The following NPAS2 variants were observed in gnomAD, a reference collection of about 807,000 sequenced individuals.
The protein encoded by NPAS2 is neuronal PAS domain-containing protein 2.
In NPAS2, 23 loss-of-function variants were observed where a neutral mutation model predicts 107.5. That is an observed-to-expected ratio of 0.21 (90% CI 0.15 to 0.30). NPAS2 has a LOEUF of 0.30. Ranked by LOEUF, NPAS2 falls within the 10% of genes least tolerant of loss-of-function variation. NPAS2 has a pLI of 1.00. For missense variants in NPAS2, 756 were observed against 1,043.3 expected (o/e 0.72, Z 3.79); for synonymous variants, 403 against 417.5 (o/e 0.97, Z 0.42).
intron 1 of NPAS2, among the ~76,000 whole-genome samples, chr2:100,840,241 C>T (rs956771323): frequency 1.3e-5 from 2 of 152,168 alleles, no homozygotes; most frequent in Non-Finnish European, 2.9e-5. Flanking sequence ...TCCTGCATGT[C>T]TGTTACATGG....
At chr2:100,857,844 T>C (rs1428422734) in intron 1 of NPAS2, among the ~76,000 whole-genome samples, 1 of 152,258 alleles carries the variant, frequency 6.6e-6, no homozygotes, top group East Asian at 1.9e-4. Flanking sequence ...TTTTGTGATC[T>C]GTAACACTTG....
At chr2:100,927,753 A>T (rs1322440652) in intron 3 of NPAS2, among the ~76,000 whole-genome samples, 1 of 152,138 alleles carries the variant, frequency 6.6e-6, no homozygotes, top group Non-Finnish European at 1.5e-5. Context: ...TCTTTCTCAA[A>T]TCATTCTCTC....
chr2:100,908,755 G>C (rs1313254506), intron 2 of NPAS2, among the ~76,000 whole-genome samples: 1 of 152,140 alleles, frequency 6.6e-6, no homozygotes, highest in Non-Finnish European at 1.5e-5. Flanking sequence ...TCTCCAGTCA[G>C]CTGTGAGGTT....
intron 2 of NPAS2, among the ~76,000 whole-genome samples, chr2:100,922,854 G>C (rs372476693): frequency 6.6e-6 from 1 of 152,084 alleles, no homozygotes; most frequent in Non-Finnish European, 1.5e-5. Flanking sequence ...AGCCTTCGTC[G>C]GAGTTGCTAC....
chr2:100,938,887 C>T (rs1055195615), intron 5 of NPAS2, among the ~76,000 whole-genome samples: 5 of 152,146 alleles, frequency 3.3e-5, no homozygotes, highest in Non-Finnish European at 2.9e-5. Flanking sequence ...CAAAACCTTC[C>T]CCACCACCCC....
chr2:100,904,657 T>C (rs1682017686), intron 1 of NPAS2, 76 bp from the exon 2 acceptor site: 1 of 1,128,076 alleles, frequency 8.9e-7, no homozygotes, highest in Non-Finnish European at 1.3e-6. Flanking sequence ...GACAACAACC[T>C]GAAAGACTTT....
chr2:100,894,078 A>G, intron 1 of NPAS2, among the ~76,000 whole-genome samples: 1 of 152,202 alleles, frequency 6.6e-6, no homozygotes, highest in East Asian at 1.9e-4. Flanking sequence ...TGACAAAATA[A>G]TCCTGCTGCC....
chr2:100,894,009 T>G (rs1452458038), intron 1 of NPAS2, among the ~76,000 whole-genome samples: 1 of 152,236 alleles, frequency 6.6e-6, no homozygotes, highest in Non-Finnish European at 1.5e-5. Context: ...GTCACTTGTA[T>G]GACTCATTAG....
At position 100,965,272 on chromosome 2, in the gene NPAS2, T is replaced by C. The variant is rs3768985; in HGVS notation, c.800+329T>C. The stretch of plus-strand genomic sequence containing the variant: ...TCATTTTTTTCAACATCCTTTGATC[T>C]TTTAGCCCAATCTTTACTGTTTCTT... On this transcript the variant is annotated intron_variant, in intron 9 of 20. Transcript: ENST00000335681. This position sits in a 1 kb window ranked among gnomAD's most constrained non-coding sequence, Gnocchi z 4.3. Among the ~76,000 whole-genome samples, 28,621 of 152,154 alleles carry C rather than the reference T, an allele frequency of 0.19. 3,574 individuals carry two copies. The highest frequency in any genetic ancestry group is 0.47 in the East Asian group (2,441 of 5,168).
At chr2:100,831,901 C>G (rs1172106144) in intron 1 of NPAS2, among the ~76,000 whole-genome samples, 1 of 152,148 alleles carries the variant, frequency 6.6e-6, no homozygotes, top group East Asian at 1.9e-4. Flanking sequence ...TTTCTATTCT[C>G]TCAAACCTGC....
chr2:100,867,111 G>A (rs1158108902), intron 1 of NPAS2, among the ~76,000 whole-genome samples: 3 of 151,924 alleles, frequency 2.0e-5, no homozygotes, highest in South Asian at 2.1e-4. Context: ...CTAAAACAGC[G>A]TCTTCCTAAA....
At chr2:100,878,607 T>G in intron 1 of NPAS2, 4 of 985,420 alleles carry the variant, frequency 4.1e-6, no homozygotes, top group Non-Finnish European at 4.8e-6. Context: ...GAATATACAC[T>G]TTCAGCTATC....
At chr2:100,934,767 G>A (rs1478687279) in intron 4 of NPAS2, 1 of 985,290 alleles carries the variant, frequency 1.0e-6, no homozygotes, top group African/African-American at 1.7e-5. Context: ...TGGGGGAGAT[G>A]GGGAGCTCCC....
intron 7 of NPAS2, among the ~76,000 whole-genome samples, chr2:100,952,038 G>A (rs903028926): frequency 7.9e-5 from 12 of 151,490 alleles, no homozygotes; most frequent in Admixed American, 2.0e-4. Context: ...TGTAGTCCCA[G>A]CTACTAGGGA....
At chr2:100,868,811 TTA>T (rs928762489) in intron 1 of NPAS2, among the ~76,000 whole-genome samples, 5 of 152,186 alleles carry the variant, frequency 3.3e-5, no homozygotes, top group African/African-American at 7.2e-5. Flanking sequence ...ATTCCAGAAA[TTA>T]TCTTTTCTTC....
chr2:100,985,553 A>G (rs1457952749), intron 16 of NPAS2: 3 of 152,244 alleles, frequency 2.0e-5, no homozygotes, highest in Non-Finnish European at 4.4e-5. Flanking sequence ...AGCACCATTC[A>G]TATGTTTATT....
chr2:100,979,466 A>G (rs1677263971), intron 15 of NPAS2, among the ~76,000 whole-genome samples: 3 of 132,854 alleles, frequency 2.3e-5, no homozygotes, highest in South Asian at 4.8e-4. Flanking sequence ...CATGTGTACT[A>G]TATTTAATAA....
intron 1 of NPAS2, among the ~76,000 whole-genome samples, chr2:100,858,821 C>G (rs1215709049): frequency 6.6e-6 from 1 of 152,118 alleles, no homozygotes; most frequent in Non-Finnish European, 1.5e-5. Flanking sequence ...CGTCAGTGTG[C>G]ACGCCCCGTC....
chr2:100,952,852 G>GTTT (rs34286637), intron 7 of NPAS2, among the ~76,000 whole-genome samples: 4 of 133,512 alleles, frequency 3.0e-5, no homozygotes, highest in East Asian at 2.2e-4. Context: ...TATGTGTGAG[G>GTTT]TTTTTTTTTT....
Sources: gnomAD v4.1 joint callset for allele counts (sites outside exome capture counted in the v4.1 genomes callset) on GRCh38, gnomAD v4.1.1 for gene constraint, Gnocchi (gnomAD v3.1) non-coding constraint, MANE v1.5 for transcripts, NCBI Gene and HGNC (gene_info 2026-07-23, HGNC 2026-07-21) for gene names.